The following ZNF85 variants were observed in gnomAD, a reference collection of about 807,000 sequenced individuals.
The protein encoded by ZNF85 is zinc finger protein 85, also known as zinc finger protein 85 (HPF4, HTF1).
A neutral mutation model predicts 53.9 loss-of-function variants in ZNF85; 50 were observed. The ratio of observed to expected loss-of-function variants is 0.93; its 90% CI spans 0.74 to 1.17. The LOEUF is 1.17. Ranked by LOEUF, ZNF85 falls within the 50% of genes most tolerant of loss-of-function variation. The probability of loss-of-function intolerance (pLI) is 0.00; values close to 1 mark genes in which losing one functional copy is unlikely to be tolerated. For synonymous variants in ZNF85, 225 were observed against 226.1 expected (o/e 1.00, Z 0.04); for missense variants, 747 against 688.5 (o/e 1.08, Z -0.95).
In ZNF85 at chr19:20,949,501, T is replaced by G; in HGVS notation, c.987T>G (p.Leu329=). The part of the protein sequence containing the change: ...CGKAFKQSSN[L]TTHKIIHTGE... ...AAGCCTTTAAGCAGTCCTCAAACCTTACTACACATAAGATAATTCATACTG... is the reference window on the plus strand; with the variant it reads ...AAGCCTTTAAGCAGTCCTCAAACCTGACTACACATAAGATAATTCATACTG... Residue 329 remains leucine, a synonymous_variant, in exon 4 of 4, where the codon CTT becomes CTG. Coordinates refer to ENST00000328178, the MANE Select transcript of ZNF85 (RefSeq NM_003429.5). 3.7e-6 allele frequency: 6 copies of G among 1,613,420 alleles called. No individual in the cohort carries two copies. Among genetic ancestry groups the G allele is most frequent in the Non-Finnish European group, 5.1e-6 (6 of 1,179,730 alleles).
intron 1 of ZNF85, among the ~76,000 whole-genome samples, chr19:20,930,142 A>AAAAAAAAAAAG (rs1555793059): frequency 6.9e-6 from 1 of 145,160 alleles, no homozygotes; most frequent in Non-Finnish European, 1.5e-5. Context: ...AAAAAAAAAA[A>AAAAAAAAAAAG]GAAATCAGAG....
chr19:20,949,597 G>A lies in ZNF85; in HGVS notation c.1083G>A (p.Glu361=). 1.3e-6 allele frequency: 2 copies of A among 1,597,298 alleles called. No homozygotes were observed. The highest frequency in any genetic ancestry group is 1.3e-5 in the African/African-American group (1 of 74,130). ...AGTCTGCACACCTTACCACACATGA[G>A]GTAATTCATACTGGAGAGAAACCCT... ...FNQSAHLTTH[E]VIHTGEKPYK... is the part of the protein sequence containing the mutation. The change falls in exon 4 of 4, where the codon GAG becomes GAA. Residue 361 remains glutamate (E), a synonymous_variant. Transcript: ENST00000328178.
chr19:20,930,802 C>T (rs571721432), intron 1 of ZNF85, among the ~76,000 whole-genome samples: 169 of 152,098 alleles, frequency 1.1e-3, no homozygotes, highest in Admixed American at 1.7e-3. Flanking sequence ...GACAGAGTTT[C>T]GCTCTTGCTG....
intron 3 of ZNF85, chr19:20,945,601 C>T (rs2144664604): frequency 6.6e-6 from 1 of 152,644 alleles, no homozygotes; most frequent in South Asian, 2.1e-4. Context: ...TCTCCTGCCT[C>T]AGCCTCTCAA....
chr19:20,934,278 C>A (rs1973103878), intron 2 of ZNF85, 128 bp downstream of exon 2: 1 of 1,295,584 alleles, frequency 7.7e-7, no homozygotes, highest in Non-Finnish European at 1.1e-6. Flanking sequence ...TCAAGAAAAT[C>A]TTGGGGATTA....
At chr19:20,930,777 A>G (rs1197066858) in intron 1 of ZNF85, among the ~76,000 whole-genome samples, 2 of 152,062 alleles carry the variant, frequency 1.3e-5, no homozygotes, top group African/African-American at 2.4e-5. Flanking sequence ...GATGGATTTT[A>G]TTTATTTATT....
intron 3 of ZNF85, among the ~76,000 whole-genome samples, chr19:20,947,711 G>A (rs893353631): frequency 1.3e-5 from 2 of 150,818 alleles, no homozygotes; most frequent in African/African-American, 4.9e-5. Flanking sequence ...ATCTTTGTGT[G>A]TATTCTAGTT....
chr19:20,941,073 T>A (rs2144648494), intron 3 of ZNF85, among the ~76,000 whole-genome samples: 1 of 152,330 alleles, frequency 6.6e-6, no homozygotes, highest in African/African-American at 2.4e-5. Flanking sequence ...GGAACATTTA[T>A]AACATTTTAA....
intron 1 of ZNF85, among the ~76,000 whole-genome samples, chr19:20,932,331 A>G (rs1973042353): frequency 6.6e-6 from 1 of 152,164 alleles, no homozygotes; most frequent in South Asian, 2.1e-4. Flanking sequence ...ACCCCTCCCT[A>G]AAGAGTTTAA....
In ZNF85 at chr19:20,947,728, GCTT is replaced by G. The variant is rs149153818; in HGVS notation, c.230-1011_230-1009del. ...CTTTGTGTGTATTCTAGTTTGTTGA[GCTT>G]CTTCATTTTTACATCATTTTTTCTT... On this transcript the variant is annotated intron_variant, in intron 3 of 3. Transcript: ENST00000328178. 1.7e-3 allele frequency among the ~76,000 whole-genome samples: 256 copies of G among 150,784 alleles called. 10 individuals are homozygous for G. The East Asian group carries it at 0.047, about 27-fold the overall frequency.
At chr19:20,923,464 C>A (rs1183822877) in intron 1 of ZNF85, 61 bp downstream of exon 1, 8 of 1,611,424 alleles carry the variant, frequency 5.0e-6, no homozygotes, top group South Asian at 3.3e-5. Flanking sequence ...CGGTGGGAAG[C>A]GGCTGTGGCG....
intron 3 of ZNF85, among the ~76,000 whole-genome samples, chr19:20,947,927 A>G (rs1035656327): frequency 2.0e-5 from 3 of 151,822 alleles, no homozygotes; most frequent in Non-Finnish European, 4.4e-5. Flanking sequence ...TTTATTTTTA[A>G]TGATAGCTTT....
Position 20,923,423 on chromosome 19 carries a change from C to T in ZNF85, c.3+20C>T, listed in dbSNP as rs370624708. 3 of 1,613,920 alleles carry T rather than the reference C, an allele frequency of 1.9e-6. No individual in the cohort carries two copies. The African/African-American group carries it at 4.0e-5, about 22-fold the overall frequency. Reference sequence around the variant, plus strand: ...GAAATGGTGAGAGTGCCAGGTCCGCCATCCCGAGGGGGAAAGGGGTTGGTT... The same window carrying T: ...GAAATGGTGAGAGTGCCAGGTCCGCTATCCCGAGGGGGAAAGGGGTTGGTT... On this transcript the variant is annotated intron_variant, in intron 1 of 3. Coordinates refer to ENST00000328178, the MANE Select transcript of ZNF85 (RefSeq NM_003429.5).
intron 3 of ZNF85, among the ~76,000 whole-genome samples, chr19:20,948,376 G>A (rs142463560): frequency 1.8e-4 from 27 of 151,910 alleles, no homozygotes; most frequent in African/African-American, 6.3e-4. Context: ...GTTTTTTGCC[G>A]CTATTTTTCT....
chr19:20,929,846 C>T (rs949816121), intron 1 of ZNF85, among the ~76,000 whole-genome samples: 2 of 152,052 alleles, frequency 1.3e-5, no homozygotes, highest in Admixed American at 6.6e-5. Context: ...TTGGGCCAGG[C>T]GTGGTGGCTT....
chr19:20,946,306 T>C, intron 3 of ZNF85: 1 of 414,634 alleles, frequency 2.4e-6, no homozygotes, highest in Non-Finnish European at 4.7e-6. Flanking sequence ...ACAGGTTGTC[T>C]ATCAAAAAGA....
At chr19:20,923,944 G>T (rs1039149236) in intron 1 of ZNF85, among the ~76,000 whole-genome samples, 1 of 152,030 alleles carries the variant, frequency 6.6e-6, no homozygotes, top group African/African-American at 2.4e-5. Context: ...AATTAGCCGG[G>T]CGTCGTGGCG....
At chr19:20,932,636 C>A (rs1408834885) in intron 1 of ZNF85, among the ~76,000 whole-genome samples, 1 of 151,734 alleles carries the variant, frequency 6.6e-6, no homozygotes, top group East Asian at 1.9e-4. Flanking sequence ...AAAACAGGAT[C>A]AAGGAAATGC....
chr19:20,932,558 G>C (rs891223401), intron 1 of ZNF85, among the ~76,000 whole-genome samples: 1 of 152,058 alleles, frequency 6.6e-6, no homozygotes, highest in Admixed American at 6.6e-5. Context: ...GGGAAAGCTG[G>C]AGTCATTTGT....
Sources: allele counts gnomAD v4.1 joint callset (sites outside exome capture counted in the v4.1 genomes callset), GRCh38; gene constraint gnomAD v4.1.1; transcripts MANE v1.5; gene names NCBI Gene and HGNC (gene_info 2026-07-23, HGNC 2026-07-21).